The following BRINP2 variants were observed in gnomAD, a reference collection of about 807,000 sequenced individuals.
BRINP2 encodes the protein BMP/retinoic acid inducible neural specific 2.
BRINP2 carries 21 observed loss-of-function variants against 69.2 expected under a neutral mutation model. The ratio of observed to expected loss-of-function variants is 0.30; its 90% CI spans 0.22 to 0.44. The LOEUF is 0.44. BRINP2 is among the 20% of genes least tolerant of loss of function. The pLI is 1.00. For missense variants in BRINP2, 877 were observed against 986.0 expected (o/e 0.89, Z 1.48); for synonymous variants, 380 against 394.1 (o/e 0.96, Z 0.42).
rs1179018521 is a variant in BRINP2, at chr1:177,257,302, A to C, written c.587A>C (p.Gln196Pro). 1 of 1,614,128 alleles carries C rather than the reference A, an allele frequency of 6.2e-7. No individual in the cohort carries two copies. Among genetic ancestry groups the C allele is most frequent in the African/African-American group, 1.3e-5 (1 of 75,014 alleles). The change falls in exon 4 of 8, where the codon CAG becomes CCG. Residue 196 changes from glutamine to proline, a missense_variant. Coordinates refer to ENST00000361539, the MANE Select transcript of BRINP2 (RefSeq NM_021165.4). ...GCTGTGTCCCTGGAGACCCTGCACC[A>C]GCTGGCCGCCTCCTACTTCATCGAC... ...STAVSLETLH[Q>P]LAASYFIDRE...
intron 1 of BRINP2, among the ~76,000 whole-genome samples, chr1:177,229,228 A>C (rs186164997): frequency 5.3e-5 from 8 of 152,324 alleles, no homozygotes; most frequent in African/African-American, 1.7e-4. Flanking sequence ...GTCTATATAC[A>C]TTAAACCCAG....
chr1:177,271,101 A>G lies in BRINP2; in HGVS notation c.670-2387A>G, dbSNP rs140102784. Among the ~76,000 whole-genome samples, 11 of 152,334 alleles carry G rather than the reference A, an allele frequency of 7.2e-5. No homozygotes were observed. The East Asian group carries it at 1.9e-3, about 27-fold the overall frequency. On this transcript the variant is annotated intron_variant, in intron 4 of 7. Coordinates refer to ENST00000361539, the MANE Select transcript of BRINP2 (RefSeq NM_021165.4). ...TCTAAGCTCCTTACTGGCCATGACT[A>G]TGTCTTATTCATCTGCGAGTTCCAA... is the stretch of plus-strand genomic sequence containing the variant.
intron 7 of BRINP2, 89 bp downstream of exon 7, chr1:177,278,874 G>T: frequency 7.7e-7 from 1 of 1,306,048 alleles, no homozygotes; most frequent in South Asian, 1.2e-5. Context: ...CAATGTAGGG[G>T]ATCAGGGAGT....
At chr1:177,202,412 T>C (rs1452503764) in intron 1 of BRINP2, among the ~76,000 whole-genome samples, 5 of 152,188 alleles carry the variant, frequency 3.3e-5, no homozygotes, top group Non-Finnish European at 5.9e-5. Flanking sequence ...TCTTTGTTCT[T>C]GTTGGTTTCA....
chr1:177,252,894 A>G (rs1191015682), intron 2 of BRINP2, among the ~76,000 whole-genome samples: 1 of 152,126 alleles, frequency 6.6e-6, no homozygotes, highest in Non-Finnish European at 1.5e-5. Context: ...GCTGCAGATG[A>G]TAGGATTTCA....
At chr1:177,218,602 G>A (rs1649441070) in intron 1 of BRINP2, among the ~76,000 whole-genome samples, 1 of 152,146 alleles carries the variant, frequency 6.6e-6, no homozygotes, top group Non-Finnish European at 1.5e-5. Flanking sequence ...CCAATGAGGT[G>A]AGAATGGGGT....
At chr1:177,191,228 T>A (rs1648586557) in intron 1 of BRINP2, among the ~76,000 whole-genome samples, 1 of 152,190 alleles carries the variant, frequency 6.6e-6, no homozygotes, top group African/African-American at 2.4e-5. Context: ...GAGGCTAAAT[T>A]TCAAAGGACA....
intron 1 of BRINP2, among the ~76,000 whole-genome samples, chr1:177,218,598 A>G (rs541008714): frequency 6.6e-6 from 1 of 152,222 alleles, no homozygotes; most frequent in Admixed American, 6.5e-5. Flanking sequence ...ATTTCCAATG[A>G]GGTGAGAATG....
chr1:177,193,731 G>A (rs1444365964), intron 1 of BRINP2, among the ~76,000 whole-genome samples: 2 of 152,198 alleles, frequency 1.3e-5, no homozygotes, highest in Non-Finnish European at 2.9e-5. Flanking sequence ...CCTTACTGCA[G>A]GCTGAGGTCT....
chr1:177,183,124 G>A (rs897191054), intron 1 of BRINP2, among the ~76,000 whole-genome samples: 1 of 144,234 alleles, frequency 6.9e-6, no homozygotes, highest in Non-Finnish European at 1.5e-5. Flanking sequence ...TCCAGGTGAT[G>A]GCAGTGTGTG....
chr1:177,177,887 C>T (rs1479913721), intron 1 of BRINP2, among the ~76,000 whole-genome samples: 5 of 152,168 alleles, frequency 3.3e-5, no homozygotes, highest in African/African-American at 1.2e-4. Flanking sequence ...TTTGACATCA[C>T]CAAGATTAAA....
intron 5 of BRINP2, among the ~76,000 whole-genome samples, chr1:177,275,595 G>T (rs1390921582): frequency 6.6e-6 from 1 of 152,120 alleles, no homozygotes; most frequent in East Asian, 1.9e-4. Flanking sequence ...AATGTTATTT[G>T]CAATCATATA....
chr1:177,253,755 G>GT lies in BRINP2; in HGVS notation c.270-2158dup, dbSNP rs567648208. 2.0e-4 allele frequency among the ~76,000 whole-genome samples: 31 copies of GT among 152,194 alleles called. 1 individual carries two copies. Among genetic ancestry groups the GT allele is most frequent in the African/African-American group, 7.5e-4 (31 of 41,568 alleles). ...TTATTCTTCTGCATGTGGGTATTAT[G>GT]TTTTTTCAGCACCATTTATTAAAGA... On this transcript the variant is annotated intron_variant, in intron 2 of 7. Coordinates refer to ENST00000361539, the MANE Select transcript of BRINP2 (RefSeq NM_021165.4).
intron 1 of BRINP2, among the ~76,000 whole-genome samples, chr1:177,182,190 G>GCCTCACTCAT (rs1337705063): frequency 7.4e-5 from 10 of 134,658 alleles, no homozygotes; most frequent in African/African-American, 2.7e-4. Context: ...GCCTCACTCA[G>GCCTCACTCAT]CCCCTGCAGC....
At chr1:177,258,751 G>T (rs1650849886) in intron 4 of BRINP2, among the ~76,000 whole-genome samples, 1 of 152,060 alleles carries the variant, frequency 6.6e-6, no homozygotes, top group African/African-American at 2.4e-5. Flanking sequence ...TGTGATATGT[G>T]ACCTTTAATG....
intron 2 of BRINP2, among the ~76,000 whole-genome samples, chr1:177,252,303 C>T (rs1650608238): frequency 6.6e-6 from 1 of 152,150 alleles, no homozygotes; most frequent in African/African-American, 2.4e-5. Flanking sequence ...AATTATTAGT[C>T]ACCCGCTTTT....
At chr1:177,278,503 G>T in intron 6 of BRINP2, 60 bp from the exon 7 acceptor site, 1 of 1,517,336 alleles carries the variant, frequency 6.6e-7, no homozygotes. Context: ...GCGTCCACTT[G>T]CCCCTACCAG....
chr1:177,263,770 G>T (rs888413853), intron 4 of BRINP2, among the ~76,000 whole-genome samples: 4 of 152,036 alleles, frequency 2.6e-5, no homozygotes, highest in African/African-American at 9.7e-5. Flanking sequence ...ATATTTGAGA[G>T]ACTAGTATCT....
intron 2 of BRINP2, among the ~76,000 whole-genome samples, chr1:177,240,812 G>A (rs911657448): frequency 1.3e-5 from 2 of 152,124 alleles, no homozygotes; most frequent in Non-Finnish European, 2.9e-5. Context: ...AATGTGGGAC[G>A]GCCAATCAGG....
Sources: gnomAD v4.1 joint callset for allele counts (sites outside exome capture counted in the v4.1 genomes callset) on GRCh38, gnomAD v4.1.1 for gene constraint, MANE v1.5 for transcripts, NCBI Gene and HGNC (gene_info 2026-07-23, HGNC 2026-07-21) for gene names.